PDE1A: variants seen among roughly 807,000 people sequenced by gnomAD.
PDE1A encodes the protein phosphodiesterase 1A.
Under a neutral mutation model 61.7 loss-of-function variants are expected in PDE1A, and 35 were observed. The observed-to-expected ratio is 0.57, with a 90% confidence interval of 0.43 to 0.75. The LOEUF (loss-of-function observed/expected upper bound fraction) is 0.75, where lower values mean the gene tolerates loss of function less well. Among genes scored for constraint, PDE1A ranks in the 30% least tolerant of loss-of-function variants. PDE1A has a pLI of 0.00. For synonymous variants in PDE1A, 232 were observed against 213.2 expected, an observed-to-expected ratio of 1.09 and a Z score of -0.77; for missense variants, 597 against 630.6, an observed-to-expected ratio of 0.95 and a Z score of 0.57.
the PDE1A span, among the ~76,000 whole-genome samples, chr2:182,677,064 G>A: frequency 4.6e-5 from 7 of 152,214 alleles, no homozygotes; most frequent in South Asian, 2.1e-4. Context: ...CTTGGCCAGC[G>A]CAATCAGGCA....
chr2:182,599,422 A>T, the PDE1A span, among the ~76,000 whole-genome samples: 1 of 152,208 alleles, frequency 6.6e-6, no homozygotes, highest in Non-Finnish European at 1.5e-5. Flanking sequence ...CCCAGCCTCC[A>T]TAGCTATGCA....
chr2:182,575,715 A>G, the PDE1A span, among the ~76,000 whole-genome samples: 1 of 145,602 alleles, frequency 6.9e-6, no homozygotes, highest in Non-Finnish European at 1.5e-5. Context: ...ATGTATCTAT[A>G]TATATATAGA....
intron 13 of PDE1A, among the ~76,000 whole-genome samples, chr2:182,181,297 TTTG>T (rs1477482011): frequency 6.6e-6 from 1 of 152,128 alleles, no homozygotes; most frequent in Non-Finnish European, 1.5e-5. Flanking sequence ...TGTTGATGCT[TTTG>T]TTGTTGTTGC....
intron 11 of PDE1A, among the ~76,000 whole-genome samples, chr2:182,186,922 C>T (rs1279821684): frequency 6.6e-6 from 1 of 152,138 alleles, no homozygotes; most frequent in African/African-American, 2.4e-5. Context: ...CTATAGTTTC[C>T]TCTCTCAACA....
chr2:182,242,107 A>G, intron 2 of PDE1A: 1 of 1,261,344 alleles, frequency 7.9e-7, no homozygotes. Flanking sequence ...ATTCCACTGC[A>G]GCCTAGTTTT....
the PDE1A span, among the ~76,000 whole-genome samples, chr2:182,696,552 A>G: frequency 1.3e-5 from 2 of 152,210 alleles, no homozygotes; most frequent in African/African-American, 4.8e-5. Context: ...AATGGTGGAC[A>G]TATGTCATTA....
At chr2:182,555,457 T>G in the PDE1A span, among the ~76,000 whole-genome samples, 1 of 152,218 alleles carries the variant, frequency 6.6e-6, no homozygotes, top group Non-Finnish European at 1.5e-5. Flanking sequence ...TTCACATAAA[T>G]TAACCAATTC....
the PDE1A span, among the ~76,000 whole-genome samples, chr2:182,532,811 G>A: frequency 4.6e-5 from 7 of 151,446 alleles, no homozygotes; most frequent in African/African-American, 7.3e-5. Flanking sequence ...ATACGGGCGC[G>A]GTGGTGGGCG....
intron 1 of PDE1A, among the ~76,000 whole-genome samples, chr2:182,363,852 G>A (rs1444457910): frequency 6.6e-6 from 1 of 151,976 alleles, no homozygotes; most frequent in Non-Finnish European, 1.5e-5. Flanking sequence ...TAAAAGATGT[G>A]TACCACGAAC....
intron 1 of PDE1A, among the ~76,000 whole-genome samples, chr2:182,423,233 T>A (rs911107078): frequency 3.9e-5 from 6 of 152,266 alleles, no homozygotes; most frequent in East Asian, 3.9e-4. Flanking sequence ...GGAAATTTTT[T>A]AAAAAATAGA....
the PDE1A span, among the ~76,000 whole-genome samples, chr2:182,549,792 T>C: frequency 2.6e-5 from 4 of 152,306 alleles, no homozygotes; most frequent in Admixed American, 6.5e-5. Flanking sequence ...TGTATATGTT[T>C]ATATTACTTA....
chr2:182,178,697 G>A lies in PDE1A; in HGVS notation c.1516+7195C>T, dbSNP rs182242037. Reference sequence around the variant, plus strand: ...GGTGGCTGTGTAGAATGTCAGGACAGGAGAGCCTGAGAGAGCGCCTGCAGT... The same window carrying A: ...GGTGGCTGTGTAGAATGTCAGGACAAGAGAGCCTGAGAGAGCGCCTGCAGT... On this transcript the variant is annotated intron_variant, in intron 13 of 13. Coordinates refer to ENST00000351439, the Ensembl canonical transcript of PDE1A. 2.0e-5 allele frequency among the ~76,000 whole-genome samples: 3 copies of A among 152,216 alleles called. No individual in the cohort carries two copies. In the East Asian group the frequency reaches 5.8e-4, roughly 29 times the overall value.
the PDE1A span, among the ~76,000 whole-genome samples, chr2:182,603,670 A>G: frequency 8.5e-5 from 13 of 152,256 alleles, no homozygotes; most frequent in Non-Finnish European, 1.9e-4. Flanking sequence ...AGTAAAATGC[A>G]GACTGTGAGA....
At chr2:182,500,491 T>A (rs1405952677) in intron 2 of PDE1A, among the ~76,000 whole-genome samples, 1 of 144,166 alleles carries the variant, frequency 6.9e-6, no homozygotes, top group Non-Finnish European at 1.5e-5. Context: ...CTGAGAAAAG[T>A]TTAATCTATC....
At chr2:182,610,591 T>C in the PDE1A span, among the ~76,000 whole-genome samples, 1 of 152,206 alleles carries the variant, frequency 6.6e-6, no homozygotes, top group Non-Finnish European at 1.5e-5. Context: ...TTTTTAAAAC[T>C]GCTTTAAAAT....
At chr2:182,398,474 C>G (rs149597372) in intron 1 of PDE1A, among the ~76,000 whole-genome samples, 4 of 151,934 alleles carry the variant, frequency 2.6e-5, no homozygotes, top group Admixed American at 6.6e-5. Flanking sequence ...TCTTTATCCT[C>G]TAGTATTTCA....
chr2:182,395,403 T>C (rs1701647498), intron 1 of PDE1A, among the ~76,000 whole-genome samples: 1 of 152,134 alleles, frequency 6.6e-6, no homozygotes, highest in African/African-American at 2.4e-5. Flanking sequence ...TGGTGAGACA[T>C]TTGTGTGCCA....
chr2:182,423,387 T>C (rs1455804383), intron 1 of PDE1A, among the ~76,000 whole-genome samples: 31 of 152,130 alleles, frequency 2.0e-4, no homozygotes. Context: ...AGGATCTAAA[T>C]GATACGTAAG....
chr2:182,570,374 CAAAGTG>C, the PDE1A span, among the ~76,000 whole-genome samples: 1 of 151,960 alleles, frequency 6.6e-6, no homozygotes, highest in African/African-American at 2.4e-5. Flanking sequence ...TCCTGGTAAC[CAAAGTG>C]AAAGAGAAAT....
Sources: gnomAD v4.1 joint callset for allele counts (sites outside exome capture counted in the v4.1 genomes callset) on GRCh38, gnomAD v4.1.1 for gene constraint, MANE v1.5 for transcripts, NCBI Gene and HGNC (gene_info 2026-07-23, HGNC 2026-07-21) for gene names.